The following SLC26A5 variants were observed in gnomAD, a reference collection of about 807,000 sequenced individuals.
SLC26A5 encodes prestin.
SLC26A5 carries 51 observed loss-of-function variants against 81.0 expected under a neutral mutation model. That is an observed-to-expected ratio of 0.63 (90% CI 0.50 to 0.80). The LOEUF (loss-of-function observed/expected upper bound fraction) is 0.80, where lower values mean the gene tolerates loss of function less well. Among genes scored for constraint, SLC26A5 ranks in the 30% least tolerant of loss-of-function variants. The pLI is 0.00. For synonymous variants in SLC26A5, 325 were observed against 332.8 expected (o/e 0.98, Z 0.25); for missense variants, 771 against 905.8 (o/e 0.85, Z 1.91).
At chr7:103,423,634 T>TGAGG (rs1825520903) in intron 2 of SLC26A5, among the ~76,000 whole-genome samples, 1 of 152,302 alleles carries the variant, frequency 6.6e-6, no homozygotes, top group South Asian at 2.1e-4. Flanking sequence ...TTCCGCCATG[T>TGAGG]GAGGATACAG....
intron 19 of SLC26A5, chr7:103,363,371 A>G: frequency 1.2e-6 from 2 of 1,613,982 alleles, no homozygotes; most frequent in Non-Finnish European, 1.7e-6. Context: ...TGTCACATAC[A>G]GTGATGTTGG....
chr7:103,422,990 G>GGA (rs80355064), intron 2 of SLC26A5, among the ~76,000 whole-genome samples: 29,292 of 151,430 alleles, frequency 0.19, 4,250 homozygotes, highest in African/African-American at 0.41. Flanking sequence ...GGCCAGGCAT[G>GGA]GAGGCTCACA....
intron 18 of SLC26A5, 51 bp from the exon 19 acceptor site, chr7:103,376,913 G>T: frequency 8.0e-7 from 1 of 1,249,308 alleles, no homozygotes; most frequent in East Asian, 2.3e-5. Context: ...TGTGCCAGAT[G>T]AAAGTCTCTT....
chr7:103,377,707 A>C lies in SLC26A5; in HGVS notation c.1878T>G (p.Pro626=), dbSNP rs1821461248. ...YPPIVIKSTF[P]EEMQRFMPPG... is the part of the protein sequence containing the mutation. The stretch of plus-strand genomic sequence containing the variant: ...GGGGCATAAATCTTTGCATTTCCTC[A>C]GGAAATGTGCTTTTGATCACTATTG... Residue 626 remains proline (P), a synonymous_variant, in exon 18 of 20, where the codon CCT becomes CCG. Coordinates refer to ENST00000306312, the MANE Select transcript of SLC26A5 (RefSeq NM_198999.3). 4 of 1,614,168 alleles carry C rather than the reference A, an allele frequency of 2.5e-6. No homozygotes were observed. The South Asian group carries it at 4.4e-5, about 18-fold the overall frequency.
In SLC26A5 at chr7:103,407,912, T is replaced by C; in HGVS notation, c.827A>G (p.Lys276Arg). 6.2e-7 allele frequency: 1 copy of C among 1,614,174 alleles called. No individual in the cohort carries two copies. Residue 276 changes from lysine (K) to arginine (R), a missense_variant, in exon 8 of 20, where the codon AAG becomes AGG. Physicochemically the swap from Lys to Arg is conservative, Grantham distance 26. Transcript: ENST00000306312. ...LMVFGLLLGG[K>R]EFNERFKEKL... ...CTCTTTAAATCTCTCATTAAACTCC[T>C]TGCCACCCAACAGCAAACCAAAAAC...
intron 2 of SLC26A5, 58 bp from the exon 3 acceptor site, chr7:103,421,625 C>T (rs1825360409): frequency 8.7e-7 from 1 of 1,145,202 alleles, no homozygotes; most frequent in African/African-American, 1.5e-5. Flanking sequence ...ATGACTTTTC[C>T]TAAGCATCTC....
intron 19 of SLC26A5, among the ~76,000 whole-genome samples, chr7:103,357,868 C>T (rs540730459): frequency 8.8e-4 from 134 of 152,246 alleles, no homozygotes; most frequent in Non-Finnish European, 1.7e-3. Flanking sequence ...TAGATCTGTT[C>T]GTTTTCTCTC....
At chr7:103,409,040 T>G (rs1216173294) in intron 7 of SLC26A5, among the ~76,000 whole-genome samples, 1 of 152,268 alleles carries the variant, frequency 6.6e-6, no homozygotes, top group East Asian at 1.9e-4. Context: ...CCTGATTCCA[T>G]TTTTATCAGT....
chr7:103,411,702 C>T (rs1352201868), intron 5 of SLC26A5, 116 bp from the exon 6 acceptor site: 35 of 1,149,312 alleles, frequency 3.0e-5, no homozygotes, highest in Middle Eastern at 2.2e-4. Flanking sequence ...AGGAAGGCTA[C>T]GCTCCCTTCT....
intron 8 of SLC26A5, among the ~76,000 whole-genome samples, chr7:103,403,159 C>T (rs1823743881): frequency 6.6e-6 from 1 of 152,134 alleles, no homozygotes; most frequent in Admixed American, 6.5e-5. Context: ...GCAGGTTTTT[C>T]AGTTTCCATG....
At chr7:103,414,712 C>T (rs886150529) in intron 4 of SLC26A5, among the ~76,000 whole-genome samples, 1 of 152,162 alleles carries the variant, frequency 6.6e-6, no homozygotes, top group Non-Finnish European at 1.5e-5. Flanking sequence ...ATGAATAAAG[C>T]TGCTATAAAC....
At chr7:103,396,259 C>T (rs538940164) in intron 9 of SLC26A5, among the ~76,000 whole-genome samples, 113 of 152,258 alleles carry the variant, frequency 7.4e-4, no homozygotes, top group African/African-American at 2.6e-3. Context: ...GGCATAACTA[C>T]TATGGGAAAC....
intron 14 of SLC26A5, among the ~76,000 whole-genome samples, chr7:103,386,934 G>T (rs984126538): frequency 6.6e-6 from 1 of 151,896 alleles, no homozygotes; most frequent in Non-Finnish European, 1.5e-5. Context: ...GCTCGCTTTT[G>T]TAATTTTAGT....
At chr7:103,435,813 AT>A (rs1249420790) in intron 2 of SLC26A5, among the ~76,000 whole-genome samples, 1 of 152,100 alleles carries the variant, frequency 6.6e-6, no homozygotes, top group Non-Finnish European at 1.5e-5. Context: ...GCTTCCAAGC[AT>A]TTTCATATCC....
chr7:103,442,988 C>T (rs1006152656), intron 2 of SLC26A5, 95 bp downstream of exon 2: 1 of 152,230 alleles, frequency 6.6e-6, no homozygotes. Context: ...ATTTAGACCT[C>T]TGGAAATTTT....
Position 103,407,962 on chromosome 7 carries a change from C to T in SLC26A5, c.777G>A (p.Val259=), listed in dbSNP as rs754234863. ...AVLQNVKNLN[V]CSLGVGLMVF... The stretch of plus-strand genomic sequence containing the variant: ...CCATCAGCCCGACGCCTAGGGAACA[C>T]ACGTTGAGGTTTTTAACATTCTGCA... Residue 259 remains valine (V), a synonymous_variant, in exon 8 of 20, where the codon GTG becomes GTA. Coordinates refer to ENST00000306312, the MANE Select transcript of SLC26A5 (RefSeq NM_198999.3). 1 of 1,614,168 alleles carries T rather than the reference C, an allele frequency of 6.2e-7. No homozygotes were observed. The highest frequency in any genetic ancestry group is 8.5e-7 in the Non-Finnish European group (1 of 1,180,026).
chr7:103,413,321 G>A (rs745895325), intron 4 of SLC26A5, among the ~76,000 whole-genome samples: 3 of 152,052 alleles, frequency 2.0e-5, no homozygotes, highest in Non-Finnish European at 2.9e-5. Context: ...TCTCCTTTTT[G>A]CCAGTGGGTG....
chr7:103,401,831 T>C (rs1455402492), intron 8 of SLC26A5, among the ~76,000 whole-genome samples: 1 of 152,244 alleles, frequency 6.6e-6, no homozygotes, highest in Non-Finnish European at 1.5e-5. Flanking sequence ...TTTTTGTCAT[T>C]GGTTCTGTTT....
intron 19 of SLC26A5, among the ~76,000 whole-genome samples, chr7:103,375,064 A>G: frequency 6.8e-6 from 1 of 147,870 alleles, no homozygotes; most frequent in East Asian, 2.0e-4. Context: ...ATATATACAC[A>G]CATATATAAA....
Sources: gnomAD v4.1 joint callset for allele counts (sites outside exome capture counted in the v4.1 genomes callset) on GRCh38, gnomAD v4.1.1 for gene constraint, MANE v1.5 for transcripts, NCBI Gene and HGNC (gene_info 2026-07-23, HGNC 2026-07-21) for gene names.